Variants in GALNT13 observed in about 807,000 individuals in gnomAD.
GALNT13 encodes polypeptide N-acetylgalactosaminyltransferase 13.
GALNT13 carries 28 observed loss-of-function variants against 64.2 expected under a neutral mutation model. The observed-to-expected ratio is 0.44, with a 90% CI of 0.32 to 0.60. The LOEUF (loss-of-function observed/expected upper bound fraction) is 0.60, where lower values mean the gene tolerates loss of function less well. GALNT13 is among the 20% of genes least tolerant of loss of function. The pLI, the probability that GALNT13 is intolerant of heterozygous loss-of-function variation, is 0.05. For missense variants in GALNT13, 577 were observed against 669.8 expected (o/e 0.86, Z 1.53); for synonymous variants, 214 against 224.6 (o/e 0.95, Z 0.42).
chr2:153,522,032 A>G, the GALNT13 span, among the ~76,000 whole-genome samples: 1 of 152,094 alleles, frequency 6.6e-6, no homozygotes. Context: ...ATGAATATAA[A>G]TTTTCAGCTT....
At chr2:154,283,555 G>A (rs1692081318) in intron 8 of GALNT13, among the ~76,000 whole-genome samples, 1 of 148,054 alleles carries the variant, frequency 6.8e-6, no homozygotes, top group African/African-American at 2.5e-5. Context: ...TCCAGCCTGG[G>A]CGACAGAGCG....
the GALNT13 span, among the ~76,000 whole-genome samples, chr2:153,464,471 A>G: frequency 6.6e-6 from 1 of 152,098 alleles, no homozygotes; most frequent in Non-Finnish European, 1.5e-5. Context: ...ATAAATGGAA[A>G]CTGGGTGAGA....
the GALNT13 span, among the ~76,000 whole-genome samples, chr2:153,657,479 T>C: frequency 6.6e-6 from 1 of 152,070 alleles, no homozygotes; most frequent in Non-Finnish European, 1.5e-5. Context: ...AATTAGATAC[T>C]GATTTCACCC....
chr2:154,363,405 G>C (rs1033175226), intron 9 of GALNT13, among the ~76,000 whole-genome samples: 10 of 152,098 alleles, frequency 6.6e-5, no homozygotes, highest in Admixed American at 2.6e-4. Context: ...TATTTATTCT[G>C]TGGATTTCTG....
At chr2:154,244,110 T>C (rs1337438545) in intron 6 of GALNT13, among the ~76,000 whole-genome samples, 1 of 152,176 alleles carries the variant, frequency 6.6e-6, no homozygotes, top group African/African-American at 2.4e-5. Context: ...GTTTTTTTTT[T>C]CCACATGTGT....
chr2:154,012,617 G>A (rs565943190), intron 3 of GALNT13, among the ~76,000 whole-genome samples: 1 of 152,096 alleles, frequency 6.6e-6, no homozygotes, highest in South Asian at 2.1e-4. Context: ...GCCTCTCTGG[G>A]GACATGAGAG....
the GALNT13 span, among the ~76,000 whole-genome samples, chr2:153,859,628 C>T: frequency 1.3e-5 from 2 of 152,230 alleles, no homozygotes; most frequent in South Asian, 4.2e-4. Flanking sequence ...CATTGTCCAA[C>T]TTTTCTTTAA....
chr2:153,980,120 A>T (rs907190927), intron 3 of GALNT13, among the ~76,000 whole-genome samples: 10 of 152,166 alleles, frequency 6.6e-5, no homozygotes, highest in Admixed American at 3.3e-4. Context: ...GCAAGGAGGA[A>T]TTAACAGTAT....
chr2:153,863,291 A>C, the GALNT13 span, among the ~76,000 whole-genome samples: 5 of 152,108 alleles, frequency 3.3e-5, no homozygotes, highest in African/African-American at 1.2e-4. Flanking sequence ...TAAATATTTA[A>C]ATTTAAAAAG....
chr2:153,161,117 G>A, the GALNT13 span, among the ~76,000 whole-genome samples: 1 of 152,146 alleles, frequency 6.6e-6, no homozygotes, highest in Non-Finnish European at 1.5e-5. Context: ...AGCAAGTTCT[G>A]CTACATTAAC....
chr2:153,858,340 T>C, the GALNT13 span, among the ~76,000 whole-genome samples: 2 of 152,212 alleles, frequency 1.3e-5, no homozygotes, highest in African/African-American at 4.8e-5. Flanking sequence ...CTCTGATATT[T>C]ACTCAGACTA....
chr2:153,793,457 G>A, the GALNT13 span, among the ~76,000 whole-genome samples: 1 of 152,122 alleles, frequency 6.6e-6, no homozygotes, highest in South Asian at 2.1e-4. Context: ...CTAAAACTTA[G>A]CTTCTTAATC....
At chr2:153,814,322 C>T in the GALNT13 span, among the ~76,000 whole-genome samples, 4 of 152,140 alleles carry the variant, frequency 2.6e-5, no homozygotes, top group African/African-American at 9.7e-5. Context: ...CGCCTGTAGT[C>T]CCAGCTACTG....
intron 9 of GALNT13, among the ~76,000 whole-genome samples, chr2:154,325,237 C>G (rs1694820188): frequency 6.6e-6 from 1 of 152,114 alleles, no homozygotes; most frequent in African/African-American, 2.4e-5. Context: ...TGATGAGGCC[C>G]TCCTCACAGG....
chr2:153,946,822 A>T (rs550609598), intron 3 of GALNT13, among the ~76,000 whole-genome samples: 101 of 152,234 alleles, frequency 6.6e-4, no homozygotes, highest in Non-Finnish European at 1.3e-3. Flanking sequence ...GTCTGGAATA[A>T]ATGGAAAATA....
At chr2:154,030,192 T>C (rs1266420231) in intron 3 of GALNT13, among the ~76,000 whole-genome samples, 2 of 151,852 alleles carry the variant, frequency 1.3e-5, no homozygotes, top group East Asian at 3.9e-4. Context: ...CCAAAACAAA[T>C]TGAAGAAGCT....
chr2:153,990,765 T>G (rs1695108106), intron 3 of GALNT13, among the ~76,000 whole-genome samples: 1 of 152,184 alleles, frequency 6.6e-6, no homozygotes, highest in African/African-American at 2.4e-5. Context: ...CCATACAGCT[T>G]ACAAAGCAAA....
chr2:153,291,800 T>C, the GALNT13 span, among the ~76,000 whole-genome samples: 4 of 146,454 alleles, frequency 2.7e-5, no homozygotes, highest in African/African-American at 1.0e-4. Context: ...AACTTTCAAA[T>C]GTGTGTAAAA....
chr2:153,129,058 T>C, the GALNT13 span, among the ~76,000 whole-genome samples: 1 of 152,030 alleles, frequency 6.6e-6, no homozygotes, highest in Non-Finnish European at 1.5e-5. Context: ...TAGATAAGAG[T>C]ATGCCCTGAG....
Sources: allele counts gnomAD v4.1 joint callset (sites outside exome capture counted in the v4.1 genomes callset), GRCh38; gene constraint gnomAD v4.1.1; transcripts MANE v1.5; gene names NCBI Gene and HGNC (gene_info 2026-07-23, HGNC 2026-07-21).